Variants in TGM3 observed in about 807,000 individuals in gnomAD.
The protein encoded by TGM3 is protein-glutamine gamma-glutamyltransferase E.
TGM3 carries 52 observed loss-of-function variants against 73.8 expected under a neutral mutation model. That is an observed-to-expected ratio of 0.70 (90% CI 0.56 to 0.89). The LOEUF is 0.89. Ranked by LOEUF, TGM3 falls within the 40% of genes least tolerant of loss-of-function variation. The pLI is 0.00. For missense variants in TGM3, 928 were observed against 909.9 expected, an observed-to-expected ratio of 1.02 and a Z score of -0.26; for synonymous variants, 372 against 354.9, an observed-to-expected ratio of 1.05 and a Z score of -0.54.
At chr20:2,302,866 T>G (rs2084156949) in intron 1 of TGM3, among the ~76,000 whole-genome samples, 1 of 152,184 alleles carries the variant, frequency 6.6e-6, no homozygotes, top group African/African-American at 2.4e-5. Context: ...ATTCATATAA[T>G]AGACTCTCAT....
chr20:2,311,548 C>A (rs143246777), intron 4 of TGM3, among the ~76,000 whole-genome samples: 1 of 152,256 alleles, frequency 6.6e-6, no homozygotes, highest in Non-Finnish European at 1.5e-5. Flanking sequence ...CAAGCCACAC[C>A]CTTTTGTTCC....
chr20:2,340,071 A>G lies in TGM3; in HGVS notation c.1934+84A>G, dbSNP rs1600712332. The G allele has an allele frequency of 4.7e-6, 7 of 1,491,324 alleles. No homozygotes were observed. The African/African-American group carries it at 6.9e-5, about 15-fold the overall frequency. 92.4% of individuals were successfully genotyped at this position (1,491,324 alleles called of 1,614,324 possible). Reference sequence around the variant, plus strand: ...CAGATCCCCTGGGTGGGACAGACAGAGCTCCCTCTGACCTTGGGTTCTTTA... The same window carrying G: ...CAGATCCCCTGGGTGGGACAGACAGGGCTCCCTCTGACCTTGGGTTCTTTA... On this transcript the variant is annotated intron_variant, in intron 12 of 12. Transcript: ENST00000381458.
At chr20:2,327,852 G>C (rs2084296875) in intron 8 of TGM3, among the ~76,000 whole-genome samples, 1 of 152,190 alleles carries the variant, frequency 6.6e-6, no homozygotes, top group Non-Finnish European at 1.5e-5. Context: ...TTAGGAAACA[G>C]ACCAAGGACA....
chr20:2,310,865 G>A (rs748937286), intron 3 of TGM3, 146 bp from the exon 4 acceptor site: 12 of 694,704 alleles, frequency 1.7e-5, no homozygotes, highest in Non-Finnish European at 3.1e-5. Context: ...GGAGTTGGAA[G>A]AGTTACAGCC....
intron 12 of TGM3, 46 bp downstream of exon 12, chr20:2,340,033 C>CGGGAGGGGGTGGGGGGGGGGGGGGGGGG: frequency 5.1e-6 from 1 of 196,584 alleles, no homozygotes; most frequent in Non-Finnish European, 9.7e-6. Flanking sequence ...CGGGAGGGGG[C>CGGGAGGGGGTGGGGGGGGGGGGGGGGGG]GGGGGGGCCC....
chr20:2,319,860 G>A (rs2084253918), intron 7 of TGM3, among the ~76,000 whole-genome samples: 1 of 152,254 alleles, frequency 6.6e-6, no homozygotes, highest in African/African-American at 2.4e-5. Flanking sequence ...CAATTGCTGT[G>A]AGGCTTGCGC....
At chr20:2,340,033 C>CGGGAGGGGGGGGGGG in intron 12 of TGM3, 46 bp downstream of exon 12, 1 of 196,588 alleles carries the variant, frequency 5.1e-6, no homozygotes, top group Non-Finnish European at 9.7e-6. Flanking sequence ...CGGGAGGGGG[C>CGGGAGGGGGGGGGGG]GGGGGGGCCC....
chr20:2,330,615 C>T (rs1025133059), intron 9 of TGM3, among the ~76,000 whole-genome samples: 2 of 152,210 alleles, frequency 1.3e-5, no homozygotes, highest in African/African-American at 2.4e-5. Flanking sequence ...CTTCTTAGGG[C>T]CTTAACTTGA....
At chr20:2,304,528 C>T (rs917814846) in intron 1 of TGM3, among the ~76,000 whole-genome samples, 20 of 152,162 alleles carry the variant, frequency 1.3e-4, no homozygotes, top group African/African-American at 4.6e-4. Flanking sequence ...GGGCCCCTCA[C>T]CACTTAGGGC....
At chr20:2,335,354 C>A in intron 11 of TGM3, 81 bp downstream of exon 11, 1 of 1,547,548 alleles carries the variant, frequency 6.5e-7, no homozygotes, top group South Asian at 1.2e-5. Flanking sequence ...TCCCTGTGAG[C>A]CACAGCTCTC....
chr20:2,312,884 C>T lies in TGM3; in HGVS notation c.541-14C>T. The T allele has an allele frequency of 6.2e-7, 1 of 1,614,010 alleles. No individual in the cohort carries two copies. The highest frequency in any genetic ancestry group is 8.5e-7 in the Non-Finnish European group (1 of 1,179,976). ...CATTTCTTTAATTGTAATGTATGGT[C>T]TCGTTCTGAACAGTTTGAAGAAGAC... On this transcript the variant is annotated splice_polypyrimidine_tract_variant and intron_variant, in intron 4 of 12. Coordinates refer to ENST00000381458, the MANE Select transcript of TGM3 (RefSeq NM_003245.4).
Position 2,332,035 on chromosome 20 carries a change from C to G in TGM3, c.1367C>G (p.Ala456Gly), listed in dbSNP as rs1392700254. Residue 456 changes from alanine to glycine, a missense_variant, in exon 10 of 13, where the codon GCT becomes GGT. Physicochemically the swap from Ala to Gly is moderately conservative, Grantham distance 60. Transcript: ENST00000381458. The surrounding 1 kb of genome is among the most constrained non-coding windows in gnomAD (Gnocchi z 4.4). The part of the protein sequence containing the change: ...SDQERQVFQK[A>G]LGKLKPNTPF... ...CAGGAAAGACAAGTGTTCCAAAAGG[C>G]TTTGGGGAAACTTAAACCCAACACG... 3.7e-6 allele frequency: 6 copies of G among 1,612,828 alleles called. 1 individual carries two copies. The Middle Eastern group carries it at 5.0e-4, about 133-fold the overall frequency.
At chr20:2,323,364 T>C (rs1249351808) in intron 7 of TGM3, among the ~76,000 whole-genome samples, 1 of 152,256 alleles carries the variant, frequency 6.6e-6, no homozygotes, top group Non-Finnish European at 1.5e-5. Context: ...CATCTCTCCA[T>C]GTAAGTACTA....
At chr20:2,339,675 TG>T (rs1346546238) in intron 11 of TGM3, among the ~76,000 whole-genome samples, 178 bp from the exon 12 acceptor site, 10 of 151,964 alleles carry the variant, frequency 6.6e-5, no homozygotes, top group Admixed American at 6.5e-4. Context: ...TCCTGTGTAT[TG>T]GGGGGCAGGG....
intron 10 of TGM3, among the ~76,000 whole-genome samples, chr20:2,333,781 A>G (rs572541762): frequency 2.0e-5 from 3 of 152,334 alleles, no homozygotes; most frequent in African/African-American, 7.2e-5. Flanking sequence ...AATGGAAAAG[A>G]GAGAGAAGGC....
At chr20:2,312,604 T>C (rs934720423) in intron 4 of TGM3, among the ~76,000 whole-genome samples, 2 of 152,090 alleles carry the variant, frequency 1.3e-5, no homozygotes, top group Non-Finnish European at 2.9e-5. Flanking sequence ...GTCTTATGCT[T>C]TTTTATTTTT....
At position 2,312,909 on chromosome 20, in the gene TGM3, C is replaced by T. The variant is rs2084214371; in HGVS notation, c.552C>T (p.Asp184=). The T allele has an allele frequency of 6.2e-7, 1 of 1,614,028 alleles. No individual in the cohort carries two copies. The highest frequency in any genetic ancestry group is 8.5e-7 in the Non-Finnish European group (1 of 1,180,030). The change falls in exon 5 of 13, where the codon GAC becomes GAT. Residue 184 remains aspartate (D), a synonymous_variant. Transcript: ENST00000381458. ...IGWNFGQFEE[D]ILSICLSILD... is the part of the protein sequence containing the mutation. Reference sequence around the variant, plus strand: ...CTCGTTCTGAACAGTTTGAAGAAGACATTCTCAGCATCTGCCTCTCAATCT... The same window carrying T: ...CTCGTTCTGAACAGTTTGAAGAAGATATTCTCAGCATCTGCCTCTCAATCT...
intron 1 of TGM3, among the ~76,000 whole-genome samples, chr20:2,298,932 A>C (rs2084126874): frequency 6.6e-6 from 1 of 151,976 alleles, no homozygotes; most frequent in Admixed American, 6.6e-5. Context: ...GCCTTCTTCC[A>C]CCTGGGACAG....
At chr20:2,317,024 A>T in intron 5 of TGM3, 44 bp from the exon 6 acceptor site, 1 of 1,600,612 alleles carries the variant, frequency 6.2e-7, no homozygotes, top group Non-Finnish European at 8.5e-7. Flanking sequence ...TCCCTAGGAA[A>T]GGCATTAGTG....
Sources: gnomAD v4.1 joint callset for allele counts (sites outside exome capture counted in the v4.1 genomes callset) on GRCh38, gnomAD v4.1.1 for gene constraint, Gnocchi (gnomAD v3.1) non-coding constraint, MANE v1.5 for transcripts, NCBI Gene and HGNC (gene_info 2026-07-23, HGNC 2026-07-21) for gene names.